The following SLC44A3 variants were observed in gnomAD, a reference collection of about 807,000 sequenced individuals.
SLC44A3 encodes choline transporter-like protein 3.
In SLC44A3, 74 loss-of-function variants were observed where a neutral mutation model predicts 75.4. That is an observed-to-expected ratio of 0.98 (90% CI 0.81 to 1.19). SLC44A3 has a LOEUF of 1.19. SLC44A3 is among the 50% of genes most tolerant of loss of function. The pLI is 0.00. For missense variants in SLC44A3, 700 were observed against 778.6 expected, an observed-to-expected ratio of 0.90 and a Z score of 1.20; for synonymous variants, 310 against 296.9, an observed-to-expected ratio of 1.04 and a Z score of -0.45.
At chr1:94,879,012 C>T (rs1668629761) in intron 12 of SLC44A3, among the ~76,000 whole-genome samples, 1 of 152,238 alleles carries the variant, frequency 6.6e-6, no homozygotes, top group Admixed American at 6.5e-5. Context: ...TTGGATTTGG[C>T]AGTGATTGCT....
chr1:94,889,129 G>T (rs1174246381), intron 12 of SLC44A3: 2 of 151,886 alleles, frequency 1.3e-5, no homozygotes, highest in African/African-American at 4.8e-5. Flanking sequence ...TGGTAAATTG[G>T]GTCAGTTAAT....
intron 9 of SLC44A3, among the ~76,000 whole-genome samples, chr1:94,847,349 G>T (rs187765123): frequency 6.6e-6 from 1 of 152,114 alleles, no homozygotes; most frequent in East Asian, 1.9e-4. Flanking sequence ...GTCTTATTCC[G>T]ACCTTGAGGA....
chr1:94,885,679 C>T (rs994104169), intron 12 of SLC44A3, among the ~76,000 whole-genome samples: 9 of 152,286 alleles, frequency 5.9e-5, no homozygotes, highest in South Asian at 2.1e-4. Context: ...ATCTATGACA[C>T]GCGTGGAACC....
chr1:94,870,769 G>A (rs551761401), intron 12 of SLC44A3, among the ~76,000 whole-genome samples: 4 of 152,278 alleles, frequency 2.6e-5, no homozygotes, highest in African/African-American at 9.6e-5. Context: ...TGCAACCTCT[G>A]CCTCCCGGGT....
chr1:94,888,634 G>T (rs1669860784), intron 12 of SLC44A3: 1 of 976,384 alleles, frequency 1.0e-6, no homozygotes, highest in African/African-American at 1.8e-5. Flanking sequence ...TTTCCTTGTG[G>T]AACTTTCTTT....
chr1:94,891,961 T>C (rs1281223851), intron 13 of SLC44A3, among the ~76,000 whole-genome samples: 1 of 152,130 alleles, frequency 6.6e-6, no homozygotes, highest in Non-Finnish European at 1.5e-5. Context: ...AGTTTTAAAG[T>C]GAATAGGCTT....
intron 10 of SLC44A3, among the ~76,000 whole-genome samples, chr1:94,863,530 T>C (rs1158789107): frequency 1.3e-5 from 2 of 152,028 alleles, no homozygotes; most frequent in Non-Finnish European, 2.9e-5. Flanking sequence ...GTAAACGTTC[T>C]TCCTTAAAAA....
chr1:94,831,163 C>T (rs1011105476), intron 5 of SLC44A3, among the ~76,000 whole-genome samples: 10 of 152,304 alleles, frequency 6.6e-5, no homozygotes, highest in Non-Finnish European at 1.2e-4. Context: ...CATTTCTTCT[C>T]ACTCTCAAGC....
chr1:94,835,947 T>C (rs1011825460), intron 5 of SLC44A3, among the ~76,000 whole-genome samples: 1 of 152,242 alleles, frequency 6.6e-6, no homozygotes, highest in Non-Finnish European at 1.5e-5. Flanking sequence ...CCTTCAAAAA[T>C]GTAATTACAA....
chr1:94,820,581 G>A, intron 1 of SLC44A3, 103 bp downstream of exon 1: 3 of 1,425,966 alleles, frequency 2.1e-6, no homozygotes, highest in South Asian at 1.4e-5. Flanking sequence ...CCTTTCCCGC[G>A]CCTCGGGGAT....
chr1:94,884,387 C>T (rs867091832), intron 12 of SLC44A3, among the ~76,000 whole-genome samples: 7 of 152,218 alleles, frequency 4.6e-5, no homozygotes, highest in Admixed American at 3.9e-4. Context: ...TGGTCTGGGA[C>T]GGTTCCTGCC....
In SLC44A3 at chr1:94,893,308, T is replaced by C. The variant is rs530898982; in HGVS notation, c.1857+791T>C. On this transcript the variant is annotated intron_variant, in intron 14 of 14. Transcript: ENST00000271227. Reference sequence around the variant, plus strand: ...ACTCTTTGGTTCAGCAGGCACTCAATTTTTTAAGAACCACTTCTACAATTT... The same window carrying C: ...ACTCTTTGGTTCAGCAGGCACTCAACTTTTTAAGAACCACTTCTACAATTT... Among the ~76,000 whole-genome samples the C allele has an allele frequency of 4.6e-5, 7 of 152,330 alleles. No individual in the cohort carries two copies. The South Asian group carries it at 1.2e-3, about 27-fold the overall frequency.
intron 4 of SLC44A3, 25 bp from the exon 5 acceptor site, chr1:94,828,468 T>A: frequency 6.3e-7 from 1 of 1,596,950 alleles, no homozygotes; most frequent in South Asian, 1.1e-5. Context: ...AAAGAAGGTA[T>A]AATGTCTGTG....
intron 9 of SLC44A3, among the ~76,000 whole-genome samples, chr1:94,852,382 G>A (rs908221021): frequency 1.3e-5 from 2 of 152,306 alleles, no homozygotes; most frequent in Non-Finnish European, 2.9e-5. Flanking sequence ...GTAGGTGAGT[G>A]CAGAGCCATA....
At chr1:94,840,425 A>G (rs859118) in intron 7 of SLC44A3, among the ~76,000 whole-genome samples, 81,614 of 150,766 alleles carry the variant, frequency 0.54, 22,155 homozygotes, top group East Asian at 0.69. Context: ...AGGTAGCTGG[A>G]ATTACAGGCA....
Position 94,820,473 on chromosome 1 carries a change from T to G in SLC44A3, c.22T>G (p.Tyr8Asp). The change falls in exon 1 of 15, where the codon TAC becomes GAC. Residue 8 changes from tyrosine (Y) to aspartate (D), a missense_variant. Transcript: ENST00000271227. ...CACGATGCACTGCCTGGGCGCCGAG[T>G]ACCTGGTAAGCGCTCGCAGCCTCGG... is the stretch of plus-strand genomic sequence containing the variant. Reference protein sequence around the residue: MHCLGAEYLVSAEGAPRQ... With the variant: MHCLGAEDLVSAEGAPRQ... 1 of 1,495,920 alleles carries G rather than the reference T, an allele frequency of 6.7e-7. No individual in the cohort carries two copies. Among genetic ancestry groups the G allele is most frequent in the Admixed American group, 2.1e-5 (1 of 47,538 alleles). The allele number at this position is 1,495,920 out of a possible 1,614,324, so 92.7% of individuals were successfully genotyped here. A position where few individuals can be genotyped will look rare whatever the true frequency, so the allele number is the denominator to read the frequency against.
chr1:94,881,576 T>C (rs964915692), intron 12 of SLC44A3, among the ~76,000 whole-genome samples: 15 of 147,350 alleles, frequency 1.0e-4, no homozygotes, highest in East Asian at 6.1e-4. Flanking sequence ...TGGTGGCGGG[T>C]GCCTGTAGTC....
At chr1:94,844,436 A>C (rs1250783124) in intron 8 of SLC44A3, among the ~76,000 whole-genome samples, 1 of 152,244 alleles carries the variant, frequency 6.6e-6, no homozygotes, top group African/African-American at 2.4e-5. Context: ...TGCTGAAAGC[A>C]CAGAGGAATA....
Position 94,841,982 on chromosome 1 carries a change from T to G in SLC44A3, c.761-18T>G, listed in dbSNP as rs777914513. On this transcript the variant is annotated intron_variant, in intron 7 of 14. Transcript: ENST00000271227. Reference sequence around the variant, plus strand: ...TCATGGCGTGTGCCCTGAGCTCTGCTACTGTTCTCTTTTCTAGTTGTCTGC... The same window carrying G: ...TCATGGCGTGTGCCCTGAGCTCTGCGACTGTTCTCTTTTCTAGTTGTCTGC... 2 of 1,603,444 alleles carry G rather than the reference T, an allele frequency of 1.2e-6. No homozygotes were observed. The highest frequency in any genetic ancestry group is 1.7e-6 in the Non-Finnish European group (2 of 1,175,930).
Sources: allele counts gnomAD v4.1 joint callset (sites outside exome capture counted in the v4.1 genomes callset), GRCh38; gene constraint gnomAD v4.1.1; transcripts MANE v1.5; gene names NCBI Gene and HGNC (gene_info 2026-07-23, HGNC 2026-07-21).